VWA3B: variants seen among roughly 807,000 people sequenced by gnomAD.
VWA3B encodes the protein von Willebrand factor A domain-containing protein 3B.
A neutral mutation model predicts 158.3 loss-of-function variants in VWA3B; 138 were observed. The observed-to-expected ratio is 0.87, with a 90% CI of 0.76 to 1.00. The LOEUF (loss-of-function observed/expected upper bound fraction) is 1.00. Among genes scored for constraint, VWA3B ranks in the 50% least tolerant of loss-of-function variants. The pLI is 0.00. For synonymous variants in VWA3B, 596 were observed against 587.3 expected, an observed-to-expected ratio of 1.01 and a Z score of -0.21; for missense variants, 1,555 against 1,565.1, an observed-to-expected ratio of 0.99 and a Z score of 0.11.
At chr2:98,120,707 TG>T (rs1674890653) in intron 4 of VWA3B, among the ~76,000 whole-genome samples, 1 of 152,220 alleles carries the variant, frequency 6.6e-6, no homozygotes. Context: ...CTTCTTTTTT[TG>T]GAATTGGGAG....
chr2:98,234,449 C>A (rs569699836), intron 16 of VWA3B, among the ~76,000 whole-genome samples, 199 bp from the exon 17 acceptor site: 2 of 152,294 alleles, frequency 1.3e-5, no homozygotes, highest in Non-Finnish European at 2.9e-5. Context: ...TGACTTCTCT[C>A]CAGGAGGGGT....
chr2:98,111,262 A>G lies in VWA3B; in HGVS notation c.197-4390A>G, dbSNP rs1180481538. Among the ~76,000 whole-genome samples, 32 of 152,196 alleles carry G rather than the reference A, an allele frequency of 2.1e-4. 1 individual carries two copies. The highest frequency in any genetic ancestry group is 2.0e-3 in the Admixed American group (31 of 15,284). On this transcript the variant is annotated intron_variant, in intron 2 of 27. Transcript: ENST00000477737. ...CTCCAGTTCCATATATGTTGCTGTAAAAGACATGATTTCATCTTTTGAAAT... is the reference window on the plus strand; with the variant it reads ...CTCCAGTTCCATATATGTTGCTGTAGAAGACATGATTTCATCTTTTGAAAT...
At chr2:98,229,838 T>G (rs12999985) in intron 15 of VWA3B, among the ~76,000 whole-genome samples, 91 of 152,000 alleles carry the variant, frequency 6.0e-4, no homozygotes, top group South Asian at 1.0e-3. Context: ...TGAAGTGAGC[T>G]GTATCTTCTG....
chr2:98,161,406 G>A (rs979266825), intron 7 of VWA3B, among the ~76,000 whole-genome samples: 7 of 152,144 alleles, frequency 4.6e-5, no homozygotes, highest in African/African-American at 1.2e-4. Flanking sequence ...AGGGTGCCTC[G>A]AAGGAACTGA....
rs1682476282 is a variant in VWA3B, at chr2:98,093,224, G to C, written c.132G>C (p.Gly44=). ...CTGAGAAATGGCTTCAACTGCATGG[G>C]CTTAAGAGCAACAAATTGACCTTGA... The part of the protein sequence containing the change: ...ISSEKWLQLH[G]LKSNKLTLKQ... The change falls in exon 2 of 28, where the codon GGG becomes GGC. Residue 44 remains glycine (G), a synonymous_variant. Coordinates refer to ENST00000477737, the MANE Select transcript of VWA3B (RefSeq NM_144992.5). 3 of 1,613,988 alleles carry C rather than the reference G, an allele frequency of 1.9e-6. No individual in the cohort carries two copies. In the African/African-American group the frequency reaches 4.0e-5, roughly 22 times the overall value.
chr2:98,132,345 G>T (rs1167687877), intron 6 of VWA3B, among the ~76,000 whole-genome samples: 1 of 152,180 alleles, frequency 6.6e-6, no homozygotes, highest in African/African-American at 2.4e-5. Context: ...TTGGCCATGG[G>T]GCCCCAGCTG....
chr2:98,141,238 G>A (rs1676756717), intron 7 of VWA3B, among the ~76,000 whole-genome samples: 1 of 152,170 alleles, frequency 6.6e-6, no homozygotes, highest in Non-Finnish European at 1.5e-5. Context: ...CTGTGTGTAT[G>A]CGTCTGTTTT....
chr2:98,119,848 G>A, intron 4 of VWA3B, 85 bp downstream of exon 4: 1 of 1,519,306 alleles, frequency 6.6e-7, no homozygotes, highest in Non-Finnish European at 9.0e-7. Flanking sequence ...AGCTGACACA[G>A]TTAGCTCTCT....
rs768012840 is a variant in VWA3B, at chr2:98,181,039, A to G, written c.1138A>G (p.Ile380Val). 3.0e-5 allele frequency: 48 copies of G among 1,614,208 alleles called. No homozygotes were observed. Among genetic ancestry groups the G allele is most frequent in the African/African-American group, 4.0e-5 (3 of 75,054 alleles). Residue 380 changes from isoleucine to valine, a missense_variant, in exon 9 of 28, where the codon ATT becomes GTT. Physicochemically the swap from Ile to Val is conservative, Grantham distance 29 (BLOSUM62 3). Coordinates refer to ENST00000477737, the MANE Select transcript of VWA3B (RefSeq NM_144992.5). ...AGAGTCAGAAACAACCTCTGTTGAG[A>G]TTGCATCGAATCCAGAAGACACCTG... ...DCESETTSVE[I>V]ASNPEDTWDS...
At chr2:98,180,844 A>G (rs1267208011) in intron 8 of VWA3B, among the ~76,000 whole-genome samples, 172 bp from the exon 9 acceptor site, 3 of 152,254 alleles carry the variant, frequency 2.0e-5, no homozygotes, top group East Asian at 1.9e-4. Flanking sequence ...GGTTTTTGCC[A>G]TTAAAAGCCT....
intron 14 of VWA3B, among the ~76,000 whole-genome samples, chr2:98,219,834 T>A (rs1349681261): frequency 6.6e-6 from 1 of 152,078 alleles, no homozygotes; most frequent in Non-Finnish European, 1.5e-5. Flanking sequence ...ACTGAAAATA[T>A]CTTTCAAAGC....
chr2:98,301,788 A>G (rs1381182161), intron 25 of VWA3B, among the ~76,000 whole-genome samples: 1 of 152,170 alleles, frequency 6.6e-6, no homozygotes, highest in Non-Finnish European at 1.5e-5. Context: ...TATGCAGCCA[A>G]TAGTTTTCCC....
At chr2:98,129,453 T>C (rs1035542810) in intron 6 of VWA3B, among the ~76,000 whole-genome samples, 6 of 152,306 alleles carry the variant, frequency 3.9e-5, no homozygotes, top group Non-Finnish European at 7.4e-5. Context: ...CCCTGCCCTA[T>C]GACCTCATTT....
At chr2:98,152,113 G>T (rs914638235) in intron 7 of VWA3B, among the ~76,000 whole-genome samples, 25 of 152,182 alleles carry the variant, frequency 1.6e-4, no homozygotes, top group Non-Finnish European at 2.9e-4. Flanking sequence ...GGAGTAGGCC[G>T]CAGGGGCCTT....
chr2:98,138,035 C>T (rs1676422708), intron 7 of VWA3B, among the ~76,000 whole-genome samples: 1 of 152,208 alleles, frequency 6.6e-6, no homozygotes, highest in African/African-American at 2.4e-5. Flanking sequence ...TCCCCTTTGC[C>T]TCTGCCTCCA....
chr2:98,097,936 C>T (rs1682823096), intron 2 of VWA3B, among the ~76,000 whole-genome samples: 1 of 151,882 alleles, frequency 6.6e-6, no homozygotes, highest in South Asian at 2.1e-4. Flanking sequence ...TGTCATTTGC[C>T]CATGAAATAT....
intron 21 of VWA3B, among the ~76,000 whole-genome samples, chr2:98,260,591 C>T (rs569124409): frequency 6.6e-6 from 1 of 151,770 alleles, no homozygotes; most frequent in Non-Finnish European, 1.5e-5. Flanking sequence ...GCTTGAGCGT[C>T]TGTGGATTTT....
intron 9 of VWA3B, among the ~76,000 whole-genome samples, chr2:98,183,287 A>G (rs572611159): frequency 2.5e-4 from 38 of 151,374 alleles, no homozygotes; most frequent in African/African-American, 9.2e-4. Context: ...CACACCTAAA[A>G]TTGTGATGTG....
At chr2:98,308,148 TA>T (rs1461929338) in intron 26 of VWA3B, among the ~76,000 whole-genome samples, 1 of 152,240 alleles carries the variant, frequency 6.6e-6, no homozygotes, top group Non-Finnish European at 1.5e-5. Flanking sequence ...ATGTTATCAA[TA>T]TTGCTAAATT....
Sources: gnomAD v4.1 joint callset for allele counts (sites outside exome capture counted in the v4.1 genomes callset) on GRCh38, gnomAD v4.1.1 for gene constraint, MANE v1.5 for transcripts, NCBI Gene and HGNC (gene_info 2026-07-23, HGNC 2026-07-21) for gene names.